Variants in TARBP1 observed in about 807,000 individuals in gnomAD.
TARBP1 encodes tRNA guanosine 2 -O-methyltransferase TARBP1.
In TARBP1, 144 loss-of-function variants were observed where a neutral mutation model predicts 178.6. The observed-to-expected ratio is 0.81, with a 90% CI of 0.70 to 0.93. TARBP1 has a LOEUF of 0.93. Among genes scored for constraint, TARBP1 ranks in the 40% least tolerant of loss-of-function variants. TARBP1 has a pLI of 0.00. For synonymous variants in TARBP1, 787 were observed against 781.0 expected (o/e 1.01, Z -0.13); for missense variants, 2,067 against 2,011.7 (o/e 1.03, Z -0.53).
At chr1:234,461,829 CTG>C (rs1667888726) in intron 6 of TARBP1, among the ~76,000 whole-genome samples, 2 of 152,186 alleles carry the variant, frequency 1.3e-5, no homozygotes, top group South Asian at 4.1e-4. Context: ...CTCTGCTAAT[CTG>C]TGATTTCTTA....
At chr1:234,400,587 A>T (rs1369259772) in intron 25 of TARBP1, among the ~76,000 whole-genome samples, 1 of 152,242 alleles carries the variant, frequency 6.6e-6, no homozygotes, top group African/African-American at 2.4e-5. Context: ...AGGGCAGCAC[A>T]TTATAATTAC....
rs1005032395 is a variant in TARBP1 at position 234,463,269 on chromosome 1, A to G, written c.1399+568T>C. Among the ~76,000 whole-genome samples the G allele has an allele frequency of 3.9e-5, 6 of 152,070 alleles. No homozygotes were observed. The South Asian group carries it at 1.0e-3, about 26-fold the overall frequency. On this transcript the variant is annotated intron_variant, in intron 6 of 29. Coordinates refer to ENST00000040877, the MANE Select transcript of TARBP1 (RefSeq NM_005646.4). ...CTCCCAAGTAGCTGGGACTACAGGT[A>G]CACACCATCATGCCCGGATAATTTT...
At chr1:234,434,655 C>T (rs1442226668) in intron 13 of TARBP1, among the ~76,000 whole-genome samples, 2 of 152,078 alleles carry the variant, frequency 1.3e-5, no homozygotes, top group African/African-American at 2.4e-5. Context: ...CAACTATGGG[C>T]GTTAAGCTCA....
chr1:234,395,045 G>A (rs1246989206), intron 26 of TARBP1, among the ~76,000 whole-genome samples: 3 of 151,924 alleles, frequency 2.0e-5, no homozygotes, highest in Non-Finnish European at 4.4e-5. Context: ...CCAACATAGC[G>A]AAACCCCATC....
chr1:234,417,693 T>C (rs1176596074), intron 22 of TARBP1, among the ~76,000 whole-genome samples: 1 of 152,248 alleles, frequency 6.6e-6, no homozygotes, highest in Non-Finnish European at 1.5e-5. Context: ...CTATTCTTTC[T>C]ACGTTATGTT....
chr1:234,462,979 T>C (rs1027333272), intron 6 of TARBP1, among the ~76,000 whole-genome samples: 1 of 152,056 alleles, frequency 6.6e-6, no homozygotes, highest in African/African-American at 2.4e-5. Flanking sequence ...CAAAGCAGAG[T>C]AGGTCCTGCT....
At chr1:234,438,463 C>A (rs886808172) in intron 12 of TARBP1, among the ~76,000 whole-genome samples, 1 of 152,012 alleles carries the variant, frequency 6.6e-6, no homozygotes, top group Non-Finnish European at 1.5e-5. Flanking sequence ...TATAGAAAAA[C>A]CAAATAGAAA....
chr1:234,426,805 A>G (rs1663826867), intron 19 of TARBP1, among the ~76,000 whole-genome samples: 1 of 152,242 alleles, frequency 6.6e-6, no homozygotes, highest in Non-Finnish European at 1.5e-5. Context: ...ACACTCATCA[A>G]GTTGTACACA....
chr1:234,478,225 C>T lies in TARBP1; in HGVS notation c.879G>A (p.Glu293=), dbSNP rs1378543394. The change falls in exon 1 of 30, where the codon GAG becomes GAA. Residue 293 remains glutamate, a synonymous_variant. Coordinates refer to ENST00000040877, the MANE Select transcript of TARBP1 (RefSeq NM_005646.4). ...RARYLLQRAV[E]VSAELGADCT... ...AGTCGGCCCCCAGCTCCGCCGACAC[C>T]TCCACCGCCCTCTGCAGCAGGTAGC... 14 of 1,611,680 alleles carry T rather than the reference C, an allele frequency of 8.7e-6. No homozygotes were observed. The East Asian group carries it at 3.1e-4, about 36-fold the overall frequency.
rs371843622 is a variant in TARBP1, at chr1:234,398,509, A to G, written c.4116T>C (p.Asp1372=). Residue 1372 remains aspartate, a synonymous_variant, in exon 26 of 30, where the codon GAT becomes GAC. Coordinates refer to ENST00000040877, the MANE Select transcript of TARBP1 (RefSeq NM_005646.4). ...ILPRLSGLIE[D]EWITIDKFTR... ...TAAATTTATCAATGGTGATCCATTC[A>G]TCTTCAATAAGGCCTGAAAGGCGTG... The G allele has an allele frequency of 1.2e-6, 2 of 1,609,542 alleles. No homozygotes were observed. Among genetic ancestry groups the G allele is most frequent in the Non-Finnish European group, 1.7e-6 (2 of 1,177,132 alleles).
At chr1:234,477,003 C>A (rs1177502138) in intron 1 of TARBP1, among the ~76,000 whole-genome samples, 1 of 152,174 alleles carries the variant, frequency 6.6e-6, no homozygotes, top group Admixed American at 6.5e-5. Context: ...CTGACCAACA[C>A]GGTGAAACCC....
chr1:234,464,034 A>T, intron 5 of TARBP1, 100 bp from the exon 6 acceptor site: 1 of 566,668 alleles, frequency 1.8e-6, no homozygotes, highest in Non-Finnish European at 2.8e-6. Context: ...GTCTTTCAAC[A>T]ATAAAACAAT....
At chr1:234,411,896 C>T (rs543987952) in intron 22 of TARBP1, among the ~76,000 whole-genome samples, 3 of 152,192 alleles carry the variant, frequency 2.0e-5, no homozygotes, top group African/African-American at 7.2e-5. Context: ...GTTTGGAAAC[C>T]AATCCAAGAG....
chr1:234,466,953 T>G (rs76280000), intron 4 of TARBP1, among the ~76,000 whole-genome samples: 2,209 of 152,298 alleles, frequency 0.015, 48 homozygotes, highest in African/African-American at 0.05. Context: ...CCTAAGGAAG[T>G]CATCATGGGA....
At chr1:234,442,015 A>G (rs967692453) in intron 12 of TARBP1, among the ~76,000 whole-genome samples, 8 of 152,198 alleles carry the variant, frequency 5.3e-5, no homozygotes, top group Non-Finnish European at 4.4e-5. Flanking sequence ...GAGAAAGGAT[A>G]CTCAGTCTCT....
chr1:234,414,820 C>T (rs1368391210), intron 22 of TARBP1, among the ~76,000 whole-genome samples: 1 of 152,042 alleles, frequency 6.6e-6, no homozygotes, highest in African/African-American at 2.4e-5. Flanking sequence ...CCCATCTCTA[C>T]TAAAAATACA....
rs57636903 is a variant in TARBP1, at chr1:234,451,766, A to AAAAAAAAAAAAAAAAACAAAAAAAC, written c.1723-1201_1723-1200insGTTTTTTTGTTTTTTTTTTTTTTTT. Among the ~76,000 whole-genome samples the AAAAAAAAAAAAAAAAACAAAAAAAC allele has an allele frequency of 4.3e-3, 74 of 17,162 alleles. 23 individuals are homozygous for AAAAAAAAAAAAAAAAACAAAAAAAC. Among genetic ancestry groups the AAAAAAAAAAAAAAAAACAAAAAAAC allele is most frequent in the South Asian group, 0.032 (5 of 156 alleles). 11.3% of individuals were successfully genotyped at this position (17,162 alleles called of 152,430 possible). ...TCCGTCTCAAAAAAAAAAAAAAAAA[A>AAAAAAAAAAAAAAAAACAAAAAAAC]TGATGAATGACTGGATCATCGAAGT... is the stretch of plus-strand genomic sequence containing the variant. On this transcript the variant is annotated intron_variant, in intron 9 of 29. Coordinates refer to ENST00000040877, the MANE Select transcript of TARBP1 (RefSeq NM_005646.4).
chr1:234,404,534 TAAG>T (rs1661019208), intron 24 of TARBP1, among the ~76,000 whole-genome samples: 1 of 152,088 alleles, frequency 6.6e-6, no homozygotes, highest in South Asian at 2.1e-4. Context: ...CAAGGAGAAA[TAAG>T]ACATTTAAGG....
At chr1:234,432,916 T>A (rs1020597496) in intron 14 of TARBP1, among the ~76,000 whole-genome samples, 1 of 151,038 alleles carries the variant, frequency 6.6e-6, no homozygotes, top group African/African-American at 2.4e-5. Flanking sequence ...AGGTGAAATG[T>A]CTATATCTAA....
Sources: gnomAD v4.1 joint callset for allele counts (sites outside exome capture counted in the v4.1 genomes callset) on GRCh38, gnomAD v4.1.1 for gene constraint, MANE v1.5 for transcripts, NCBI Gene and HGNC (gene_info 2026-07-23, HGNC 2026-07-21) for gene names.